ELP4: variants seen among roughly 807,000 people sequenced by gnomAD.
The protein encoded by ELP4 is elongator complex protein 4.
In ELP4, 51 loss-of-function variants were observed where a neutral mutation model predicts 48.9. The ratio of observed to expected loss-of-function variants is 1.04; its 90% CI spans 0.83 to 1.32. The LOEUF (loss-of-function observed/expected upper bound fraction) is 1.32. ELP4 is among the 40% of genes most tolerant of loss of function. ELP4 has a pLI of 0.00. For missense variants in ELP4, 519 were observed against 514.6 expected, an observed-to-expected ratio of 1.01 and a Z score of -0.08; for synonymous variants, 210 against 189.2, an observed-to-expected ratio of 1.11 and a Z score of -0.90.
At chr11:31,762,395 A>G (rs1309830013) in intron 9 of ELP4, among the ~76,000 whole-genome samples, 2 of 152,186 alleles carry the variant, frequency 1.3e-5, no homozygotes, top group East Asian at 3.9e-4. Context: ...ACAGAAATCT[A>G]CATTTTATTC....
intron 9 of ELP4, among the ~76,000 whole-genome samples, chr11:31,724,425 A>G (rs1480992073): frequency 6.6e-6 from 1 of 152,264 alleles, no homozygotes; most frequent in Admixed American, 6.5e-5. Context: ...TAAAATATTA[A>G]CTAATTATAA....
At chr11:31,666,792 AACTT>A (rs143998943) in intron 9 of ELP4, among the ~76,000 whole-genome samples, 96,030 of 151,442 alleles carry the variant, frequency 0.63, 32,882 homozygotes, top group Non-Finnish European at 0.76. Flanking sequence ...TAAGAAAATT[AACTT>A]ACTTACTATT....
At chr11:31,759,017 ATATACGTTTGTGACTTACTTTC>A (rs1947890581) in intron 9 of ELP4, among the ~76,000 whole-genome samples, 1 of 152,176 alleles carries the variant, frequency 6.6e-6, no homozygotes, top group African/African-American at 2.4e-5. Context: ...TTATTGGTAG[ATATACGTTTGTGACTTACTTTC>A]TTCCATCATT....
intron 3 of ELP4, among the ~76,000 whole-genome samples, chr11:31,551,500 G>A (rs533726436): frequency 6.6e-6 from 1 of 152,206 alleles, no homozygotes; most frequent in Non-Finnish European, 1.5e-5. Context: ...TTTCTAAACA[G>A]CTAACTGTGC....
intron 9 of ELP4, among the ~76,000 whole-genome samples, chr11:31,762,410 GA>G (rs1947962780): frequency 6.6e-6 from 1 of 151,916 alleles, no homozygotes; most frequent in Non-Finnish European, 1.5e-5. Flanking sequence ...TTATTCGAAA[GA>G]ACTTGAAATT....
chr11:31,653,801 A>G (rs1468741631), intron 9 of ELP4: 1 of 151,800 alleles, frequency 6.6e-6, no homozygotes, highest in African/African-American at 2.4e-5. Flanking sequence ...ACATGGCGTC[A>G]CTTCCAAGCT....
intron 3 of ELP4, among the ~76,000 whole-genome samples, chr11:31,567,506 C>G (rs2133951252): frequency 6.6e-6 from 1 of 152,224 alleles, no homozygotes; most frequent in Non-Finnish European, 1.5e-5. Context: ...GTATCTGCTT[C>G]CAGGCTGACA....
intron 9 of ELP4, among the ~76,000 whole-genome samples, chr11:31,726,210 T>C (rs12365798): frequency 0.3 from 45,807 of 151,920 alleles, 7,518 homozygotes; most frequent in African/African-American, 0.44. Flanking sequence ...GAACATCAGA[T>C]CAAGGGGTTA....
chr11:31,712,637 AT>A (rs964500656), intron 9 of ELP4, among the ~76,000 whole-genome samples: 1 of 151,990 alleles, frequency 6.6e-6, no homozygotes, highest in African/African-American at 2.4e-5. Flanking sequence ...TTTTTAAGAG[AT>A]TTTGGTTAGA....
chr11:31,519,942 C>G (rs1165406334), intron 1 of ELP4, 114 bp from the exon 2 acceptor site: 3 of 876,000 alleles, frequency 3.4e-6, no homozygotes, highest in Non-Finnish European at 5.3e-6. Context: ...AAATGTTGTT[C>G]ACAACTACTG....
At position 31,788,498 on chromosome 11, in the gene ELP4, C is replaced by T. The variant is rs138035131; in HGVS notation, c.*4974C>T. On this transcript the variant is annotated 3_prime_UTR_variant, in exon 10 of 10. Transcript: ENST00000640961. ...AGGGCCTATTTGAAAAAGGCAACAG[C>T]TTTCAGAAAGTCTCCTTTAAGAAAT... The T allele has an allele frequency of 1.1e-3, 240 of 223,690 alleles. No individual in the cohort carries two copies. Among genetic ancestry groups the T allele is most frequent in the African/African-American group, 4.7e-3 (211 of 44,950 alleles). 13.9% of individuals were successfully genotyped at this position (223,690 alleles called of 1,614,324 possible).
intron 1 of ELP4, among the ~76,000 whole-genome samples, chr11:31,517,651 C>G (rs1161147547): frequency 6.6e-6 from 1 of 151,482 alleles, no homozygotes; most frequent in Admixed American, 6.6e-5. Context: ...GAGTCTCACT[C>G]TGTCACCTAG....
intron 9 of ELP4, chr11:31,689,268 TC>T (rs1259818420): frequency 6.6e-6 from 1 of 151,808 alleles, no homozygotes; most frequent in African/African-American, 2.4e-5. Flanking sequence ...TAGCAAGACC[TC>T]GACTCTACAA....
chr11:31,514,197 A>G (rs1956063852), intron 1 of ELP4, among the ~76,000 whole-genome samples: 2 of 152,188 alleles, frequency 1.3e-5, no homozygotes, highest in African/African-American at 4.8e-5. Flanking sequence ...GGTAGCTCAC[A>G]CTTATAATCC....
At chr11:31,616,143 A>G (rs1281208167) in intron 5 of ELP4, among the ~76,000 whole-genome samples, 2 of 152,022 alleles carry the variant, frequency 1.3e-5, no homozygotes, top group African/African-American at 2.4e-5. Flanking sequence ...AAAAAGACCA[A>G]AGTTGGAAGT....
At chr11:31,628,611 G>A (rs561863405) in intron 6 of ELP4, among the ~76,000 whole-genome samples, 14 of 151,996 alleles carry the variant, frequency 9.2e-5, no homozygotes, top group African/African-American at 3.4e-4. Context: ...ACACCAAACT[G>A]GAGCTGGTTT....
chr11:31,628,243 T>G (rs920371230), intron 6 of ELP4: 1 of 152,114 alleles, frequency 6.6e-6, no homozygotes, highest in African/African-American at 2.4e-5. Flanking sequence ...TGCCAGTGCT[T>G]GTCTGGAGAG....
chr11:31,744,508 G>A (rs1402515066), intron 9 of ELP4, among the ~76,000 whole-genome samples: 9 of 152,144 alleles, frequency 5.9e-5, no homozygotes, highest in Non-Finnish European at 1.2e-4. Flanking sequence ...CTGGCAAACT[G>A]AATCCAGCAG....
chr11:31,642,968 C>A (rs1235738504), intron 7 of ELP4, among the ~76,000 whole-genome samples: 1 of 151,638 alleles, frequency 6.6e-6, no homozygotes, highest in Non-Finnish European at 1.5e-5. Context: ...CATATTTATC[C>A]TTGGATCCAA....
Sources: allele counts gnomAD v4.1 joint callset (sites outside exome capture counted in the v4.1 genomes callset), GRCh38; gene constraint gnomAD v4.1.1; transcripts MANE v1.5; gene names NCBI Gene and HGNC (gene_info 2026-07-23, HGNC 2026-07-21).